The following KDM3B variants were observed in gnomAD, a reference collection of about 807,000 sequenced individuals.
KDM3B encodes lysine-specific demethylase 3B.
In KDM3B, 10 loss-of-function variants were observed where a neutral mutation model predicts 170.0. The observed-to-expected ratio is 0.06, with a 90% CI of 0.04 to 0.10. The LOEUF is 0.10. Ranked by LOEUF, KDM3B falls within the 10% of genes least tolerant of loss-of-function variation. The probability of loss-of-function intolerance (pLI) is 1.00; values close to 1 mark genes in which losing one functional copy is unlikely to be tolerated. For synonymous variants in KDM3B, 831 were observed against 834.8 expected (o/e 1.00, Z 0.08); for missense variants, 1,394 against 2,195.2 (o/e 0.64, Z 7.29).
chr5:138,429,790 C>G, intron 20 of KDM3B, 36 bp from the exon 21 acceptor site: 1 of 1,608,412 alleles, frequency 6.2e-7, no homozygotes, highest in Non-Finnish European at 8.5e-7. Flanking sequence ...ACTGAAATGG[C>G]TGACTACATT....
chr5:138,373,932 A>T (rs1223322900), intron 2 of KDM3B, among the ~76,000 whole-genome samples: 1 of 152,226 alleles, frequency 6.6e-6, no homozygotes, highest in Non-Finnish European at 1.5e-5. Flanking sequence ...CAATTTTTTT[A>T]ACTGATTGAT....
intron 1 of KDM3B, among the ~76,000 whole-genome samples, chr5:138,363,555 T>G (rs1222881064): frequency 6.6e-6 from 1 of 152,202 alleles, no homozygotes; most frequent in Non-Finnish European, 1.5e-5. Flanking sequence ...ATAATTTTTT[T>G]TTCTTTTTTG....
intron 14 of KDM3B, 104 bp from the exon 15 acceptor site, chr5:138,420,602 G>A: frequency 7.8e-7 from 1 of 1,286,242 alleles, no homozygotes; most frequent in Non-Finnish European, 1.1e-6. Context: ...GCAAGGGAAA[G>A]GAGAGAATCT....
intron 1 of KDM3B, among the ~76,000 whole-genome samples, chr5:138,354,373 A>C (rs1027911040): frequency 3.9e-5 from 6 of 152,214 alleles, no homozygotes; most frequent in Non-Finnish European, 8.8e-5. Context: ...GCTTTCTTTA[A>C]AAGATGGCTG....
chr5:138,424,222 A>G lies in KDM3B; in HGVS notation c.4120A>G (p.Asn1374Asp). 1.9e-6 allele frequency: 3 copies of G among 1,614,160 alleles called. No individual in the cohort carries two copies. Among genetic ancestry groups the G allele is most frequent in the Non-Finnish European group, 2.5e-6 (3 of 1,180,006 alleles). The part of the protein sequence containing the change: ...KEVKEMVMGL[N>D]VLDPHTSHSW... ...AGTGAAGGAGATGGTGATGGGGTTAAATGTGCTAGATCCCCATACTTCTCA... is the reference window on the plus strand; with the variant it reads ...AGTGAAGGAGATGGTGATGGGGTTAGATGTGCTAGATCCCCATACTTCTCA... Residue 1374 changes from asparagine to aspartate, a missense_variant, in exon 16 of 24, where the codon AAT (asparagine) becomes GAT (aspartate). Physicochemically the swap from Asn to Asp is conservative, Grantham distance 23. Transcript: ENST00000314358.
chr5:138,354,723 A>G (rs1749898147), intron 1 of KDM3B, among the ~76,000 whole-genome samples: 1 of 152,230 alleles, frequency 6.6e-6, no homozygotes, highest in Admixed American at 6.5e-5. Flanking sequence ...CAAACCAAGT[A>G]AAAAGTTGCA....
At chr5:138,418,075 GTTTTTTTTTTTT>G (rs34275336) in intron 13 of KDM3B, 7 of 96,798 alleles carry the variant, frequency 7.2e-5, no homozygotes, top group Non-Finnish European at 9.9e-5. Context: ...TTTGGTTTTG[GTTTTTTTTTTTT>G]TTTTTTTTTT....
intron 1 of KDM3B, among the ~76,000 whole-genome samples, chr5:138,365,767 G>A (rs1257875188): frequency 6.6e-6 from 1 of 151,964 alleles, no homozygotes; most frequent in Non-Finnish European, 1.5e-5. Flanking sequence ...GGGAGGCCAA[G>A]GCGGCTGGAT....
chr5:138,356,940 G>A (rs1040413604), intron 1 of KDM3B, among the ~76,000 whole-genome samples: 1 of 151,798 alleles, frequency 6.6e-6, no homozygotes, highest in Non-Finnish European at 1.5e-5. Flanking sequence ...CACCGGGCCT[G>A]GCCTCTTGAC....
Position 138,391,802 on chromosome 5 carries a change from C to T in KDM3B, c.2170C>T (p.Arg724Cys), listed in dbSNP as rs781611346. The part of the protein sequence containing the change: ...GPSLSAMGNG[R>C]SSSPTSSLTQ... The stretch of plus-strand genomic sequence containing the variant: ...AAGCCTCTCTGCCATGGGGAATGGC[C>T]GCTCCAGCTCGCCCACCAGCAGCCT... Residue 724 changes from arginine to cysteine, a missense_variant, in exon 8 of 24, where the codon CGC becomes TGC. Transcript: ENST00000314358. The surrounding 1 kb of genome is among the most constrained non-coding windows in gnomAD (Gnocchi z 5.0). 2.8e-5 allele frequency: 45 copies of T among 1,613,854 alleles called. No individual in the cohort carries two copies. The highest frequency in any genetic ancestry group is 9.3e-5 in the African/African-American group (7 of 74,886).
rs372282199 is a variant in KDM3B, at chr5:138,433,886, C to T, written c.5206-1734C>T. Among the ~76,000 whole-genome samples, 10 of 151,438 alleles carry T rather than the reference C, an allele frequency of 6.6e-5. 1 individual carries two copies. The highest frequency in any genetic ancestry group is 5.3e-4 in the Admixed American group (8 of 15,180). ...CCCGAGTATCTGGGGATTACAGGCACGTGTCATCACACCGAGCTAATTTTT... is the reference window on the plus strand; with the variant it reads ...CCCGAGTATCTGGGGATTACAGGCATGTGTCATCACACCGAGCTAATTTTT... On this transcript the variant is annotated intron_variant, in intron 23 of 23. Transcript: ENST00000314358.
intron 11 of KDM3B, among the ~76,000 whole-genome samples, chr5:138,408,400 AAAAG>A (rs201294294): frequency 0.025 from 3,723 of 147,140 alleles, 53 homozygotes; most frequent in South Asian, 0.059. Flanking sequence ...AAAAAAAAAA[AAAAG>A]AAAGAAATTG....
chr5:138,355,725 G>A (rs968733541), intron 1 of KDM3B, among the ~76,000 whole-genome samples: 1 of 152,108 alleles, frequency 6.6e-6, no homozygotes, highest in Non-Finnish European at 1.5e-5. Context: ...ATTGGCTCAT[G>A]TAAGTTGCAG....
intron 16 of KDM3B, 98 bp downstream of exon 16, chr5:138,424,439 A>T (rs1479238137): frequency 7.2e-7 from 1 of 1,391,178 alleles, no homozygotes; most frequent in African/African-American, 1.4e-5. Flanking sequence ...GGAGATTTAG[A>T]CATAGTGAGG....
rs1294437609 is a variant in KDM3B, at chr5:138,393,385, C to G, written c.2831+13C>G. ...TTCACTTCCGGAGGTACCCAAACTC[C>G]TGTTTTCCTCCTTTGCTAGTTTTCA... On this transcript the variant is annotated intron_variant, in intron 9 of 23. Transcript: ENST00000314358. The G allele has an allele frequency of 6.2e-7, 1 of 1,606,428 alleles. No homozygotes were observed. Among genetic ancestry groups the G allele is most frequent in the East Asian group, 2.2e-5 (1 of 44,834 alleles).
At chr5:138,432,529 C>T (rs909154051) in intron 23 of KDM3B, among the ~76,000 whole-genome samples, 4 of 151,914 alleles carry the variant, frequency 2.6e-5, no homozygotes, top group African/African-American at 9.7e-5. Context: ...ATTAGCTGGG[C>T]GTGGTGGCAC....
At chr5:138,420,518 C>G (rs1250508465) in intron 14 of KDM3B, among the ~76,000 whole-genome samples, 188 bp from the exon 15 acceptor site, 2 of 152,118 alleles carry the variant, frequency 1.3e-5, no homozygotes, top group African/African-American at 4.8e-5. Context: ...GAGAGTTTCT[C>G]CTTGGCTGTG....
In KDM3B at chr5:138,372,591, A is replaced by G. The variant is rs1580886297; in HGVS notation, c.193-83A>G. On this transcript the variant is annotated intron_variant, in intron 1 of 23. Transcript: ENST00000314358. ...GAATTATTCCTAGTCAGTTGTTCAA[A>G]ACAGTGGGGTTTATGTTCATTTATA... 6.7e-6 allele frequency: 8 copies of G among 1,190,018 alleles called. No homozygotes were observed. In the East Asian group the frequency reaches 1.9e-4, roughly 28 times the overall value. 73.7% of individuals were successfully genotyped at this position (1,190,018 alleles called of 1,614,324 possible).
rs762215649 is a variant in KDM3B, at chr5:138,435,628, C to T, written c.5214C>T (p.Asn1738=). 1 of 1,613,718 alleles carries T rather than the reference C, an allele frequency of 6.2e-7. No individual in the cohort carries two copies. The highest frequency in any genetic ancestry group is 1.3e-5 in the African/African-American group (1 of 75,058). Reference sequence around the variant, plus strand: ...CTGTACACCTTCTCTAGGTGAAGAACATCATTTACCATGCAGTGAAAGATG... The same window carrying T: ...CTGTACACCTTCTCTAGGTGAAGAATATCATTTACCATGCAGTGAAAGATG... The part of the protein sequence containing the change: ...TNHEDKLQVK[N]IIYHAVKDAV... Residue 1738 remains asparagine, a synonymous_variant, in exon 24 of 24, where the codon AAC becomes AAT. Coordinates refer to ENST00000314358, the MANE Select transcript of KDM3B (RefSeq NM_016604.4).
Sources: allele counts gnomAD v4.1 joint callset (sites outside exome capture counted in the v4.1 genomes callset), GRCh38; gene constraint gnomAD v4.1.1; non-coding constraint Gnocchi (gnomAD v3.1); transcripts MANE v1.5; gene names NCBI Gene and HGNC (gene_info 2026-07-23, HGNC 2026-07-21).